Variants in MTMR3 observed in about 807,000 individuals in gnomAD.
MTMR3 encodes the protein myotubularin related protein 3, also known as phosphatidylinositol-3,5-bisphosphate 3-phosphatase MTMR3.
MTMR3 carries 32 observed loss-of-function variants against 132.4 expected under a neutral mutation model. The ratio of observed to expected loss-of-function variants is 0.24; its 90% confidence interval spans 0.18 to 0.32. MTMR3 has a LOEUF of 0.32. Ranked by LOEUF, MTMR3 falls within the 10% of genes least tolerant of loss-of-function variation. The pLI, the probability that MTMR3 is intolerant of heterozygous loss-of-function variation, is 1.00. For synonymous variants in MTMR3, 556 were observed against 550.3 expected (o/e 1.01, Z -0.14); for missense variants, 1,216 against 1,489.6 (o/e 0.82, Z 3.02).
intron 5 of MTMR3, 42 bp downstream of exon 5, chr22:29,979,094 A>G: frequency 7.4e-7 from 1 of 1,347,228 alleles, no homozygotes; most frequent in Non-Finnish European, 1.1e-6. Flanking sequence ...GTAAATGGAG[A>G]AAGTAAGTCA....
chr22:29,894,672 T>C (rs1035151515), intron 1 of MTMR3, among the ~76,000 whole-genome samples: 1 of 152,132 alleles, frequency 6.6e-6, no homozygotes, highest in African/African-American at 2.4e-5. Flanking sequence ...TATTGGAGTT[T>C]TGGTGTTAAT....
intron 19 of MTMR3, chr22:30,022,922 C>G: frequency 1.9e-6 from 1 of 530,628 alleles, no homozygotes; most frequent in Non-Finnish European, 3.4e-6. Context: ...CAAATGGTAG[C>G]ATTTTGTTGT....
intron 1 of MTMR3, among the ~76,000 whole-genome samples, chr22:29,909,046 A>T (rs188246010): frequency 6.7e-6 from 1 of 148,354 alleles, no homozygotes; most frequent in African/African-American, 2.5e-5. Flanking sequence ...GGCACAGTCT[A>T]CTGCAGCCTC....
Position 30,016,712 on chromosome 22 carries a change from A to G in MTMR3, c.1674+14A>G, listed in dbSNP as rs183067522. The G allele has an allele frequency of 6.5e-4, 1,037 of 1,605,378 alleles. 26 individuals carry two copies. The Admixed American group carries it at 0.016, about 25-fold the overall frequency. On this transcript the variant is annotated intron_variant, in intron 15 of 19. Transcript: ENST00000401950. ...CAGTCAGAAGCCGTATGTATCCTTC[A>G]GCCTTTCCACTGTGGTCAGCAGAAG...
At chr22:29,946,096 A>G (rs1247229313) in intron 1 of MTMR3, among the ~76,000 whole-genome samples, 7 of 152,094 alleles carry the variant, frequency 4.6e-5, no homozygotes, top group Non-Finnish European at 8.8e-5. Context: ...TTTGATGGAA[A>G]AAGTGGCAGT....
At chr22:29,955,828 T>C (rs1385218203) in intron 1 of MTMR3, among the ~76,000 whole-genome samples, 1 of 152,182 alleles carries the variant, frequency 6.6e-6, no homozygotes, top group African/African-American at 2.4e-5. Flanking sequence ...CTCAGCTCAC[T>C]GCAACCTCCA....
intron 1 of MTMR3, among the ~76,000 whole-genome samples, chr22:29,954,059 CTTTTTTTTTTTTTTTTT>C (rs59781649): frequency 1.3e-5 from 1 of 79,426 alleles, no homozygotes; most frequent in Non-Finnish European, 2.2e-5. Flanking sequence ...TCAAATGAGT[CTTTTTTTTTTTTTTTTT>C]TTTTTTTGTC....
At chr22:29,985,665 G>A (rs368482594) in intron 5 of MTMR3, 1 of 152,224 alleles carries the variant, frequency 6.6e-6, no homozygotes, top group Non-Finnish European at 1.5e-5. Context: ...GCATGTGACA[G>A]TCTGCATGAA....
chr22:30,012,907 C>A (rs958408745), intron 13 of MTMR3: 10 of 216,850 alleles, frequency 4.6e-5, no homozygotes. Flanking sequence ...GGAGAAGCAG[C>A]TCTACCTGAA....
At chr22:29,928,065 CA>C (rs1452474050) in intron 1 of MTMR3, among the ~76,000 whole-genome samples, 4 of 151,544 alleles carry the variant, frequency 2.6e-5, no homozygotes, top group African/African-American at 9.7e-5. Flanking sequence ...CTCAGCCACC[CA>C]AGTAGCTGGG....
intron 1 of MTMR3, among the ~76,000 whole-genome samples, chr22:29,934,744 T>C (rs887892026): frequency 6.6e-6 from 1 of 152,234 alleles, no homozygotes; most frequent in African/African-American, 2.4e-5. Flanking sequence ...GGACAAGTTA[T>C]TGAATCCTTG....
chr22:29,886,673 A>C (rs1406078289), intron 1 of MTMR3, among the ~76,000 whole-genome samples: 1 of 152,202 alleles, frequency 6.6e-6, no homozygotes, highest in Non-Finnish European at 1.5e-5. Flanking sequence ...TAAAAGAAAC[A>C]AGATTCTGTG....
rs752686695 is a variant in MTMR3, at chr22:29,991,629, A to G, written c.419A>G (p.Tyr140Cys). The G allele has an allele frequency of 6.2e-7, 1 of 1,613,334 alleles. No homozygotes were observed. The highest frequency in any genetic ancestry group is 8.5e-7 in the Non-Finnish European group (1 of 1,179,780). ...FAYHAWCMEV[Y>C]ASEKEQHGDL... ...TACCATGCTTGGTGCATGGAGGTCT[A>G]TGCCAGTGAAAAAGAGCAACATGGA... Residue 140 changes from tyrosine (Y) to cysteine (C), a missense_variant, in exon 7 of 20, where the codon TAT (tyrosine) becomes TGT (cysteine). Physicochemically the swap from Tyr to Cys is radical, Grantham distance 194. Around this residue, in one of 7 missense-constraint regions of MTMR3, gnomAD observed 129 missense variants for 245.7 expected, o/e 0.53. Coordinates refer to ENST00000401950, the MANE Select transcript of MTMR3 (RefSeq NM_021090.4).
Position 29,907,386 on chromosome 22 carries a change from G to A in MTMR3, c.-138+24027G>A, listed in dbSNP as rs113646679. On this transcript the variant is annotated intron_variant, in intron 1 of 19. Coordinates refer to ENST00000401950, the MANE Select transcript of MTMR3 (RefSeq NM_021090.4). ...CACTGCACTCCAGCTGGGTGACAGAGCAAGACTCTGTCTTAAAAAAAAAAA... is the reference window on the plus strand; with the variant it reads ...CACTGCACTCCAGCTGGGTGACAGAACAAGACTCTGTCTTAAAAAAAAAAA... Among the ~76,000 whole-genome samples, 741 of 149,106 alleles carry A rather than the reference G, an allele frequency of 5.0e-3. 6 individuals carry two copies. The highest frequency in any genetic ancestry group is 0.018 in the African/African-American group (692 of 38,604).
intron 1 of MTMR3, among the ~76,000 whole-genome samples, chr22:29,946,251 A>G (rs759021339): frequency 6.6e-6 from 1 of 152,176 alleles, no homozygotes; most frequent in Non-Finnish European, 1.5e-5. Flanking sequence ...CCAAAGGAGT[A>G]TTAAGGAGCT....
At position 30,019,719 on chromosome 22, in the gene MTMR3, G is replaced by A. The variant is rs1264995954; in HGVS notation, c.2060G>A (p.Gly687Glu). 1.9e-6 allele frequency: 3 copies of A among 1,614,106 alleles called. No individual in the cohort carries two copies. Among genetic ancestry groups the A allele is most frequent in the Non-Finnish European group, 2.5e-6 (3 of 1,180,048 alleles). Residue 687 changes from glycine to glutamate, a missense_variant, in exon 17 of 20, where the codon GGG becomes GAG. Transcript: ENST00000401950. ...TCTGTTGCAGCCGGAGTAGCTGAGGGGCAGATGGAGAACATCTTGCAGGAG... is the reference window on the plus strand; with the variant it reads ...TCTGTTGCAGCCGGAGTAGCTGAGGAGCAGATGGAGAACATCTTGCAGGAG... ...ELSVAAGVAE[G>E]QMENILQEAT...
intron 16 of MTMR3, chr22:30,018,308 C>T (rs1030490489): frequency 6.2e-5 from 28 of 451,828 alleles, no homozygotes; most frequent in Admixed American, 1.3e-4. Context: ...TACACTGAGC[C>T]GCTCCTCAGT....
intron 1 of MTMR3, among the ~76,000 whole-genome samples, chr22:29,935,767 G>C (rs2065737584): frequency 7.0e-6 from 1 of 142,278 alleles, no homozygotes; most frequent in Non-Finnish European, 1.5e-5. Context: ...TTTTGAGACG[G>C]AGTCATGCTG....
chr22:29,949,747 A>G (rs2066037134), intron 1 of MTMR3, among the ~76,000 whole-genome samples: 2 of 152,092 alleles, frequency 1.3e-5, no homozygotes, highest in African/African-American at 4.8e-5. Flanking sequence ...TTAAGATTTT[A>G]TTCTTTGATT....
Sources: gnomAD v4.1 joint callset for allele counts (sites outside exome capture counted in the v4.1 genomes callset) on GRCh38, gnomAD v4.1.1 for gene constraint, gnomAD v4.1.1 regional missense constraint, MANE v1.5 for transcripts, NCBI Gene and HGNC (gene_info 2026-07-23, HGNC 2026-07-21) for gene names.